The following SLCO3A1 variants were observed in gnomAD, a reference collection of about 807,000 sequenced individuals.
The protein encoded by SLCO3A1 is solute carrier organic anion transporter family member 3A1.
Under a neutral mutation model 63.1 loss-of-function variants are expected in SLCO3A1, and 27 were observed. The ratio of observed to expected loss-of-function variants is 0.43; its 90% confidence interval spans 0.32 to 0.59. The LOEUF (loss-of-function observed/expected upper bound fraction) is 0.59. SLCO3A1 is among the 20% of genes least tolerant of loss of function. The pLI is 0.09. For synonymous variants in SLCO3A1, 473 were observed against 409.9 expected (o/e 1.15, Z -1.86); for missense variants, 773 against 945.8 (o/e 0.82, Z 2.40).
At chr15:92,130,254 A>G (rs1032554133) in intron 7 of SLCO3A1, among the ~76,000 whole-genome samples, 3 of 152,260 alleles carry the variant, frequency 2.0e-5, no homozygotes, top group South Asian at 2.1e-4. Flanking sequence ...GCTGCATCCC[A>G]CTGCTGAAAC....
intron 1 of SLCO3A1, among the ~76,000 whole-genome samples, chr15:91,899,294 G>T (rs1219236601): frequency 1.3e-5 from 2 of 152,178 alleles, no homozygotes; most frequent in South Asian, 2.1e-4. Context: ...TATTTTGCAG[G>T]CGTTTCCCTA....
rs749383480 is a variant in SLCO3A1 at position 92,104,270 on chromosome 15, C to T, written c.746-9C>T. On this transcript the variant is annotated splice_polypyrimidine_tract_variant and intron_variant, in intron 3 of 9. Coordinates refer to ENST00000318445, the MANE Select transcript of SLCO3A1 (RefSeq NM_013272.4). ...TTTCTCCACTAAGCTGTGCTCTTTC[C>T]ATTTACAGGTAACCTGGACATCACT... 14 of 1,613,908 alleles carry T rather than the reference C, an allele frequency of 8.7e-6. No homozygotes were observed. The highest frequency in any genetic ancestry group is 1.2e-5 in the Non-Finnish European group (14 of 1,179,964).
chr15:91,894,223 G>A lies in SLCO3A1; in HGVS notation c.181-21770G>A, dbSNP rs1481719830. Among the ~76,000 whole-genome samples the A allele has an allele frequency of 2.0e-5, 3 of 152,114 alleles. No individual in the cohort carries two copies. Reference sequence around the variant, plus strand: ...CATATGGGATGGTGGTAGGAAATGAGGTTGGAGAGGAGGGCAGGGGTGGGG... The same window carrying A: ...CATATGGGATGGTGGTAGGAAATGAAGTTGGAGAGGAGGGCAGGGGTGGGG... On this transcript the variant is annotated intron_variant, in intron 1 of 9. Coordinates refer to ENST00000318445, the MANE Select transcript of SLCO3A1 (RefSeq NM_013272.4). The surrounding 1 kb of genome is among the most constrained non-coding windows in gnomAD (Gnocchi z 4.8).
chr15:91,869,900 T>C (rs1275784253), intron 1 of SLCO3A1, among the ~76,000 whole-genome samples: 2 of 152,194 alleles, frequency 1.3e-5, no homozygotes, highest in South Asian at 2.1e-4. Flanking sequence ...GCTTTGTCCC[T>C]GCAGATGCTC....
chr15:92,121,436 A>C (rs2047861306), intron 5 of SLCO3A1, among the ~76,000 whole-genome samples: 1 of 152,200 alleles, frequency 6.6e-6, no homozygotes, highest in African/African-American at 2.4e-5. Flanking sequence ...AGCTTGTGGT[A>C]CCATTTGTAA....
At chr15:92,155,877 A>G (rs1472782898) in intron 9 of SLCO3A1, among the ~76,000 whole-genome samples, 1 of 152,176 alleles carries the variant, frequency 6.6e-6, no homozygotes, top group Non-Finnish European at 1.5e-5. Flanking sequence ...GGGTGTCATT[A>G]GGGATGAGCT....
chr15:91,926,426 CTT>C (rs1351856845), intron 2 of SLCO3A1, among the ~76,000 whole-genome samples: 1 of 152,052 alleles, frequency 6.6e-6, no homozygotes, highest in African/African-American at 2.4e-5. Context: ...AATCCTGGCT[CTT>C]TTACTTGACT....
intron 2 of SLCO3A1, among the ~76,000 whole-genome samples, chr15:92,011,413 T>C (rs987629072): frequency 2.6e-5 from 4 of 152,256 alleles, no homozygotes; most frequent in African/African-American, 9.6e-5. Flanking sequence ...GTAGTCACCT[T>C]ACTGTCACAT....
chr15:92,055,221 G>A (rs975372221), intron 2 of SLCO3A1, among the ~76,000 whole-genome samples: 2 of 152,008 alleles, frequency 1.3e-5, no homozygotes, highest in Admixed American at 6.5e-5. Context: ...TTTTTTTCAT[G>A]TTTGTTGGCT....
intron 9 of SLCO3A1, among the ~76,000 whole-genome samples, chr15:92,158,019 CCTGT>C (rs1311551982): frequency 1.3e-5 from 2 of 152,174 alleles, no homozygotes; most frequent in Admixed American, 1.3e-4. Context: ...ATGTGAACTC[CCTGT>C]CTGAGTTCAC....
intron 2 of SLCO3A1, among the ~76,000 whole-genome samples, chr15:91,931,902 A>G (rs550084925): frequency 6.6e-6 from 1 of 152,238 alleles, no homozygotes; most frequent in Middle Eastern, 3.4e-3. Flanking sequence ...TTAAGAAATC[A>G]CTGTTGCTGG....
chr15:91,970,467 A>G lies in SLCO3A1; in HGVS notation c.646+54009A>G, dbSNP rs139893355. 3.0e-3 allele frequency among the ~76,000 whole-genome samples: 461 copies of G among 152,256 alleles called. 3 individuals carry two copies. Among genetic ancestry groups the G allele is most frequent in the African/African-American group, 0.01 (435 of 41,552 alleles). On this transcript the variant is annotated intron_variant, in intron 2 of 9. Coordinates refer to ENST00000318445, the MANE Select transcript of SLCO3A1 (RefSeq NM_013272.4). ...TTGTGGAGTCCTCTCCTTTCTCTGT[A>G]GTCAACACACGAGAGTCAACATGGA...
In SLCO3A1 at chr15:91,967,999, A is replaced by G. The variant is rs1438134892; in HGVS notation, c.646+51541A>G. ...TGCAAGATGGCTTTGAAATGTCCCTATCTTCCTTCCCTTCTGATTGCCTTA... is the reference window on the plus strand; with the variant it reads ...TGCAAGATGGCTTTGAAATGTCCCTGTCTTCCTTCCCTTCTGATTGCCTTA... On this transcript the variant is annotated intron_variant, in intron 2 of 9. Transcript: ENST00000318445. This position sits in a 1 kb window ranked among gnomAD's most constrained non-coding sequence, Gnocchi z 4.4. 1.3e-5 allele frequency among the ~76,000 whole-genome samples: 2 copies of G among 151,926 alleles called. No homozygotes were observed. Among genetic ancestry groups the G allele is most frequent in the East Asian group, 1.9e-4 (1 of 5,164 alleles).
At chr15:92,157,151 A>G (rs1446636917) in intron 9 of SLCO3A1, 4 of 152,218 alleles carry the variant, frequency 2.6e-5, no homozygotes, top group African/African-American at 9.7e-5. Context: ...GAGCCTGCAC[A>G]TACCTTCCTC....
At chr15:91,880,983 C>T (rs1002849892) in intron 1 of SLCO3A1, among the ~76,000 whole-genome samples, 7 of 152,186 alleles carry the variant, frequency 4.6e-5, no homozygotes, top group Admixed American at 3.9e-4. Context: ...GCCCAGAGAG[C>T]TGGCTAGCCA....
At chr15:91,880,407 C>A in intron 1 of SLCO3A1, among the ~76,000 whole-genome samples, 1 of 142,954 alleles carries the variant, frequency 7.0e-6, no homozygotes, top group East Asian at 2.2e-4. Context: ...CTCTCTCTCT[C>A]TCTGTGTGTG....
chr15:92,101,910 C>T (rs2047609632), intron 3 of SLCO3A1, among the ~76,000 whole-genome samples: 1 of 152,144 alleles, frequency 6.6e-6, no homozygotes, highest in Non-Finnish European at 1.5e-5. Context: ...CATACACATA[C>T]CTACAGGAAG....
chr15:92,154,139 G>A (rs147676760), intron 9 of SLCO3A1, among the ~76,000 whole-genome samples: 1,547 of 152,320 alleles, frequency 0.01, 25 homozygotes, highest in African/African-American at 0.035. Context: ...GGCTCGTGCC[G>A]AGATGGTGCT....
At chr15:91,966,249 G>A (rs1477195853) in intron 2 of SLCO3A1, among the ~76,000 whole-genome samples, 1 of 152,160 alleles carries the variant, frequency 6.6e-6, no homozygotes, top group Admixed American at 6.5e-5. Flanking sequence ...TTTTTGCTTT[G>A]TGACAGATTT....
Sources: gnomAD v4.1 joint callset for allele counts (sites outside exome capture counted in the v4.1 genomes callset) on GRCh38, gnomAD v4.1.1 for gene constraint, Gnocchi (gnomAD v3.1) non-coding constraint, MANE v1.5 for transcripts, NCBI Gene and HGNC (gene_info 2026-07-23, HGNC 2026-07-21) for gene names.